Variants in MTR observed in about 807,000 individuals in gnomAD.
MTR encodes methionine synthase.
MTR carries 84 observed loss-of-function variants against 154.8 expected under a neutral mutation model. That is an observed-to-expected ratio of 0.54 (90% CI 0.45 to 0.65). The LOEUF (loss-of-function observed/expected upper bound fraction) is 0.65. Ranked by LOEUF, MTR falls within the 30% of genes least tolerant of loss-of-function variation. The pLI, the probability that MTR is intolerant of heterozygous loss-of-function variation, is 0.00. For synonymous variants in MTR, 554 were observed against 553.9 expected (o/e 1.00, Z 0.00); for missense variants, 1,275 against 1,570.2 (o/e 0.81, Z 3.18).
At chr1:236,806,364 C>T (rs1043420705) in intron 3 of MTR, 131 bp downstream of exon 3, 2 of 777,490 alleles carry the variant, frequency 2.6e-6, no homozygotes, top group African/African-American at 3.4e-5. Flanking sequence ...TATGATGAGA[C>T]AGGGAAAATG....
intron 16 of MTR, 74 bp from the exon 17 acceptor site, chr1:236,852,447 A>G (rs917673940): frequency 1.2e-5 from 13 of 1,085,322 alleles, no homozygotes; most frequent in Non-Finnish European, 1.6e-5. Context: ...CCACTCCTAT[A>G]TAAAGCTTAA....
At chr1:236,852,763 A>G (rs1394854108) in intron 17 of MTR, 126 bp downstream of exon 17, 59 of 1,083,494 alleles carry the variant, frequency 5.4e-5, no homozygotes, top group Middle Eastern at 2.8e-4. Flanking sequence ...TTATTGGGAT[A>G]GAGCCACACC....
At chr1:236,889,633 A>G (rs1666207723) in intron 28 of MTR, among the ~76,000 whole-genome samples, 1 of 152,204 alleles carries the variant, frequency 6.6e-6, no homozygotes, top group Non-Finnish European at 1.5e-5. Flanking sequence ...GCACCTGACT[A>G]GCTGGCACAT....
At chr1:236,882,473 C>G (rs968490836) in intron 25 of MTR, among the ~76,000 whole-genome samples, 2 of 150,454 alleles carry the variant, frequency 1.3e-5, no homozygotes, top group Non-Finnish European at 3.0e-5. Flanking sequence ...TTACTGCAAC[C>G]TACGCCTCCC....
intron 27 of MTR, 94 bp from the exon 28 acceptor site, chr1:236,889,087 G>C: frequency 6.8e-7 from 1 of 1,470,924 alleles, no homozygotes; most frequent in Non-Finnish European, 9.5e-7. Context: ...GAGGCGGAGT[G>C]TGGGAGTTGG....
chr1:236,897,130 G>C lies in MTR; in HGVS notation c.3711+12G>C. On this transcript the variant is annotated intron_variant, in intron 32 of 32. Transcript: ENST00000366577. Reference sequence around the variant, plus strand: ...TTTCCAAGGATCAGGTAAGCTAGCTGTTGCATTATATGTGGCTTGCCTAGT... The same window carrying C: ...TTTCCAAGGATCAGGTAAGCTAGCTCTTGCATTATATGTGGCTTGCCTAGT... 1 of 1,576,068 alleles carries C rather than the reference G, an allele frequency of 6.3e-7. No individual in the cohort carries two copies. The highest frequency in any genetic ancestry group is 8.7e-7 in the Non-Finnish European group (1 of 1,145,516).
intron 11 of MTR, 150 bp from the exon 12 acceptor site, chr1:236,829,039 G>A: frequency 1.6e-6 from 1 of 644,702 alleles, no homozygotes; most frequent in South Asian, 1.8e-5. Context: ...AGGCATGATT[G>A]TTGCTGCACA....
At chr1:236,826,788 T>C in intron 10 of MTR, 41 bp from the exon 11 acceptor site, 1 of 1,552,950 alleles carries the variant, frequency 6.4e-7, no homozygotes, top group Non-Finnish European at 8.9e-7. Context: ...AGTTTAGAAT[T>C]CAAGTGAACT....
chr1:236,901,183 C>T lies in MTR; in HGVS notation c.*3539C>T, dbSNP rs1282351471. On this transcript the variant is annotated 3_prime_UTR_variant, in exon 33 of 33. Transcript: ENST00000366577. ...AGCATGCCAGCAGAACCCAATGCTGCAAAGAGGCCTGGGAATGGGATTGCT... is the reference window on the plus strand; with the variant it reads ...AGCATGCCAGCAGAACCCAATGCTGTAAAGAGGCCTGGGAATGGGATTGCT... 3 of 152,570 alleles carry T rather than the reference C, an allele frequency of 2.0e-5. No individual in the cohort carries two copies. Among genetic ancestry groups the T allele is most frequent in the Non-Finnish European group, 4.4e-5 (3 of 68,056 alleles). The allele number at this position is 152,570 out of a possible 1,614,324, so 9.5% of individuals were successfully genotyped here.
chr1:236,856,515 C>CT (rs1047810625), intron 18 of MTR, among the ~76,000 whole-genome samples: 17 of 149,356 alleles, frequency 1.1e-4, no homozygotes, highest in African/African-American at 3.2e-4. Flanking sequence ...CTTCTTCTTT[C>CT]TTTTTTTTTC....
rs1666841361 is a variant in MTR at position 236,899,807 on chromosome 1, A to G, written c.*2163A>G. On this transcript the variant is annotated 3_prime_UTR_variant, in exon 33 of 33. Transcript: ENST00000366577. ...AATAGAAAAATAGTGAAGACTACACAAGAGGAAATAGGGCTTTTAAATAAA... is the reference window on the plus strand; with the variant it reads ...AATAGAAAAATAGTGAAGACTACACGAGAGGAAATAGGGCTTTTAAATAAA... 6.6e-6 allele frequency: 1 copy of G among 152,398 alleles called. No homozygotes were observed. Among genetic ancestry groups the G allele is most frequent in the South Asian group, 2.1e-4 (1 of 4,840 alleles). 9.4% of individuals were successfully genotyped at this position (152,398 alleles called of 1,614,324 possible).
At chr1:236,882,382 C>T (rs1665785262) in intron 25 of MTR, among the ~76,000 whole-genome samples, 1 of 136,200 alleles carries the variant, frequency 7.3e-6, no homozygotes, top group African/African-American at 2.9e-5. Context: ...GAGGACAAAC[C>T]CCTTCACCAT....
chr1:236,807,441 T>A (rs1399662384), intron 3 of MTR, among the ~76,000 whole-genome samples: 1 of 152,234 alleles, frequency 6.6e-6, no homozygotes, highest in Non-Finnish European at 1.5e-5. Flanking sequence ...CCCAAAGTGC[T>A]GGGATTACAG....
intron 1 of MTR, among the ~76,000 whole-genome samples, chr1:236,799,016 A>C (rs1660557814): frequency 6.6e-6 from 1 of 152,238 alleles, no homozygotes; most frequent in Admixed American, 6.5e-5. Flanking sequence ...GTGAACACTT[A>C]ATACCAACAG....
chr1:236,830,501 A>G (rs1662548716), intron 12 of MTR, among the ~76,000 whole-genome samples: 1 of 152,234 alleles, frequency 6.6e-6, no homozygotes, highest in Non-Finnish European at 1.5e-5. Flanking sequence ...TTAAACAATC[A>G]CCTTCCATCA....
intron 16 of MTR, 59 bp from the exon 17 acceptor site, chr1:236,852,462 T>A: frequency 8.3e-7 from 1 of 1,204,878 alleles, no homozygotes; most frequent in Non-Finnish European, 1.2e-6. Flanking sequence ...GCTTAAGAGA[T>A]GTGATTGCTG....
chr1:236,879,954 C>A (rs910794829), intron 24 of MTR, among the ~76,000 whole-genome samples: 1 of 151,452 alleles, frequency 6.6e-6, no homozygotes, highest in African/African-American at 2.4e-5. Flanking sequence ...GAGATCGAGA[C>A]CATCCTGGCT....
chr1:236,886,131 C>A (rs138898322), intron 26 of MTR, among the ~76,000 whole-genome samples, 161 bp from the exon 27 acceptor site: 1 of 152,098 alleles, frequency 6.6e-6, no homozygotes, highest in Non-Finnish European at 1.5e-5. Context: ...AATGTGAAAC[C>A]GACTGGGTAG....
chr1:236,854,392 T>A (rs1304331398), intron 18 of MTR, among the ~76,000 whole-genome samples: 2 of 152,242 alleles, frequency 1.3e-5, no homozygotes, highest in Non-Finnish European at 2.9e-5. Flanking sequence ...GTTCTACTTC[T>A]CAGCACATTA....
Sources: gnomAD v4.1 joint callset for allele counts (sites outside exome capture counted in the v4.1 genomes callset) on GRCh38, gnomAD v4.1.1 for gene constraint, MANE v1.5 for transcripts, NCBI Gene and HGNC (gene_info 2026-07-23, HGNC 2026-07-21) for gene names.